Variants in AFG2A observed in about 807,000 individuals in gnomAD.
AFG2A encodes AAA ATPase AFG2A.
At chr4:123,194,538 G>A in the AFG2A span, among the ~76,000 whole-genome samples, 7 of 152,054 alleles carry the variant, frequency 4.6e-5, no homozygotes, top group Admixed American at 1.3e-4. Flanking sequence ...TTTAAAAAAC[G>A]TATTTTCTCT....
chr4:123,232,936 A>G, the AFG2A span, among the ~76,000 whole-genome samples: 34 of 152,212 alleles, frequency 2.2e-4, no homozygotes, highest in Non-Finnish European at 3.8e-4. Context: ...CGCAGTTCCT[A>G]CAGGGAATCT....
chr4:123,010,681 A>G, the AFG2A span, among the ~76,000 whole-genome samples: 3 of 152,242 alleles, frequency 2.0e-5, no homozygotes, highest in African/African-American at 4.8e-5. Context: ...AAATGGTACA[A>G]TTAGGTAATT....
At chr4:123,123,822 C>T in the AFG2A span, among the ~76,000 whole-genome samples, 8 of 150,846 alleles carry the variant, frequency 5.3e-5, no homozygotes, top group Admixed American at 3.3e-4. Flanking sequence ...CATGGTGGCG[C>T]GCGCCTGTAG....
At chr4:122,993,387 A>C in the AFG2A span, among the ~76,000 whole-genome samples, 1 of 152,186 alleles carries the variant, frequency 6.6e-6, no homozygotes. Context: ...ATTTTACATT[A>C]GAATTTGTTG....
chr4:123,006,760 C>T, the AFG2A span, among the ~76,000 whole-genome samples: 2 of 152,056 alleles, frequency 1.3e-5, no homozygotes, highest in Non-Finnish European at 2.9e-5. Flanking sequence ...TTTATTTGCA[C>T]AAAGGTAATG....
chr4:123,251,859 G>T, the AFG2A span, among the ~76,000 whole-genome samples: 2 of 151,974 alleles, frequency 1.3e-5, no homozygotes, highest in African/African-American at 4.8e-5. Context: ...TTTATTTTAT[G>T]ATTTTCCTAA....
chr4:123,210,747 T>C, the AFG2A span, among the ~76,000 whole-genome samples: 27 of 152,250 alleles, frequency 1.8e-4, no homozygotes, highest in East Asian at 3.1e-3. Context: ...ATATTTTTTA[T>C]TTTTTGAGGA....
At chr4:123,237,330 C>G in the AFG2A span, among the ~76,000 whole-genome samples, 2 of 152,096 alleles carry the variant, frequency 1.3e-5, no homozygotes, top group Non-Finnish European at 2.9e-5. Flanking sequence ...AGACTGTGTT[C>G]TAAACCTGAG....
At chr4:123,063,392 T>C in the AFG2A span, among the ~76,000 whole-genome samples, 1 of 152,306 alleles carries the variant, frequency 6.6e-6, no homozygotes, top group South Asian at 2.1e-4. Context: ...TATCATCTGT[T>C]TTCTATGATA....
the AFG2A span, among the ~76,000 whole-genome samples, chr4:123,125,932 C>A: frequency 6.6e-6 from 1 of 152,116 alleles, no homozygotes; most frequent in African/African-American, 2.4e-5. Flanking sequence ...TGCCTTCAGT[C>A]TCTTTCTCCA....
chr4:123,079,442 G>A, the AFG2A span, among the ~76,000 whole-genome samples: 1 of 152,104 alleles, frequency 6.6e-6, no homozygotes, highest in African/African-American at 2.4e-5. Context: ...GGCAAAGCAA[G>A]CAATAACATG....
At chr4:123,256,313 C>A in the AFG2A span, 1 of 975,966 alleles carries the variant, frequency 1.0e-6, no homozygotes, top group African/African-American at 1.6e-5. Flanking sequence ...AAGTGCAGTA[C>A]ATGACATAGT....
chr4:123,165,317 G>A, the AFG2A span, among the ~76,000 whole-genome samples: 1 of 152,016 alleles, frequency 6.6e-6, no homozygotes, highest in African/African-American at 2.4e-5. Context: ...GCACAATTTT[G>A]TATATTTCCT....
chr4:123,110,204 A>G, the AFG2A span, among the ~76,000 whole-genome samples: 35 of 152,254 alleles, frequency 2.3e-4, no homozygotes, highest in Non-Finnish European at 4.6e-4. Context: ...ACCATTAAGT[A>G]ATTAAGAATA....
chr4:122,980,012 G>T, the AFG2A span, among the ~76,000 whole-genome samples: 1 of 152,158 alleles, frequency 6.6e-6, no homozygotes, highest in Non-Finnish European at 1.5e-5. Context: ...TTGTGTGTAT[G>T]TGTTTATTTA....
At chr4:122,980,942 C>T in the AFG2A span, among the ~76,000 whole-genome samples, 22 of 151,982 alleles carry the variant, frequency 1.4e-4, no homozygotes, top group Admixed American at 4.6e-4. Flanking sequence ...CATATTTTCT[C>T]CCATTCCATA....
chr4:122,943,632 T>C, the AFG2A span, among the ~76,000 whole-genome samples: 1 of 152,138 alleles, frequency 6.6e-6, no homozygotes. Context: ...TTAGTCCATT[T>C]ACATTTAAAG....
the AFG2A span, among the ~76,000 whole-genome samples, chr4:123,206,805 A>G: frequency 6.6e-6 from 1 of 152,114 alleles, no homozygotes; most frequent in Admixed American, 6.5e-5. Context: ...CTATACAATC[A>G]GTTACCTTTC....
the AFG2A span, among the ~76,000 whole-genome samples, chr4:123,310,331 T>G: frequency 6.6e-6 from 1 of 152,220 alleles, no homozygotes; most frequent in Non-Finnish European, 1.5e-5. Flanking sequence ...TTTAGTTATA[T>G]TTGATGGTAG....
Sources: allele counts gnomAD v4.1 joint callset (sites outside exome capture counted in the v4.1 genomes callset), GRCh38; gene constraint gnomAD v4.1.1; transcripts MANE v1.5; gene names NCBI Gene and HGNC (gene_info 2026-07-23, HGNC 2026-07-21).